NPAS1: variants seen among roughly 807,000 people sequenced by gnomAD.
NPAS1 encodes the protein neuronal PAS domain-containing protein 1.
A neutral mutation model predicts 49.2 loss-of-function variants in NPAS1; 29 were observed. The observed-to-expected ratio is 0.59, with a 90% CI of 0.44 to 0.80. NPAS1 has a LOEUF of 0.80. Among genes scored for constraint, NPAS1 ranks in the 30% least tolerant of loss-of-function variants. NPAS1 has a pLI of 0.00. For missense variants in NPAS1, 825 were observed against 835.5 expected (o/e 0.99, Z 0.15); for synonymous variants, 408 against 380.4 (o/e 1.07, Z -0.84).
At chr19:47,023,355 G>A (rs926168320) in intron 3 of NPAS1, among the ~76,000 whole-genome samples, 1 of 152,194 alleles carries the variant, frequency 6.6e-6, no homozygotes, top group East Asian at 1.9e-4. Context: ...GGCATCAGGG[G>A]CTGGCTGAGG....
Position 47,039,577 on chromosome 19 carries a change from G to A in NPAS1, c.962+13G>A. On this transcript the variant is annotated intron_variant, in intron 8 of 11. Coordinates refer to ENST00000602212, the MANE Select transcript of NPAS1 (RefSeq NM_002517.4). ...CTTGTGAGAGCAGGTACCGGGGTTG[G>A]GGGCTGTGGCGGGTGGATTGGGGGC... The A allele has an allele frequency of 6.5e-7, 1 of 1,546,292 alleles. No individual in the cohort carries two copies. Among genetic ancestry groups the A allele is most frequent in the Non-Finnish European group, 8.7e-7 (1 of 1,143,610 alleles).
At position 47,021,714 on chromosome 19, in the gene NPAS1, C is replaced by T. The variant is rs754194086; in HGVS notation, c.225C>T (p.Pro75=). 4.5e-6 allele frequency: 7 copies of T among 1,554,276 alleles called. No homozygotes were observed. Among genetic ancestry groups the T allele is most frequent in the East Asian group, 4.9e-5 (2 of 41,046 alleles). ...AGCTGGCCAAGCTTCTCCCGCTGCC[C>T]GGCGCCATCTCCAGCCAGCTGGACA... The part of the protein sequence containing the change: ...FFELAKLLPL[P]GAISSQLDKA... The change falls in exon 3 of 12, where the codon CCC becomes CCT. Residue 75 remains proline (P), a synonymous_variant. Transcript: ENST00000602212. This position sits in a 1 kb window ranked among gnomAD's most constrained non-coding sequence, Gnocchi z 5.7.
At chr19:47,043,717 G>A (rs997570815) in intron 11 of NPAS1, among the ~76,000 whole-genome samples, 2 of 151,814 alleles carry the variant, frequency 1.3e-5, no homozygotes, top group Non-Finnish European at 2.9e-5. Flanking sequence ...AGATCTCACC[G>A]CTGCACTCCA....
chr19:47,027,488 G>T (rs188077188), intron 3 of NPAS1, among the ~76,000 whole-genome samples: 569 of 48,128 alleles, frequency 0.012, 7 homozygotes, highest in East Asian at 0.017. Context: ...CTGGTCTCCC[G>T]TCTCTCTGCC....
intron 7 of NPAS1, 24 bp from the exon 8 acceptor site, chr19:47,039,383 T>A: frequency 6.2e-7 from 1 of 1,610,946 alleles, no homozygotes; most frequent in Non-Finnish European, 8.5e-7. Flanking sequence ...TTGTCCCTCC[T>A]CCAACCATGC....
intron 3 of NPAS1, among the ~76,000 whole-genome samples, chr19:47,026,483 T>C (rs1477340): frequency 0.28 from 42,407 of 152,058 alleles, 7,090 homozygotes; most frequent in South Asian, 0.51. Flanking sequence ...GACGTGGTGG[T>C]CCAGCCAGGG....
intron 6 of NPAS1, among the ~76,000 whole-genome samples, chr19:47,037,837 C>T (rs2056974029): frequency 6.6e-6 from 1 of 152,114 alleles, no homozygotes; most frequent in Non-Finnish European, 1.5e-5. Context: ...ATTTTTAAGA[C>T]CGTTTTGTAG....
rs1262262878 is a variant in NPAS1, at chr19:47,035,974, C to T, written c.533C>T (p.Thr178Met). The T allele has an allele frequency of 1.1e-5, 17 of 1,521,640 alleles. No homozygotes were observed. The highest frequency in any genetic ancestry group is 2.8e-5 in the African/African-American group (2 of 71,648). The allele number at this position is 1,521,640 out of a possible 1,614,324, so 94.3% of individuals were successfully genotyped here. The change falls in exon 6 of 12, where the codon ACG becomes ATG. Residue 178 changes from threonine to methionine, a missense_variant. Transcript: ENST00000602212. ...CTCCTTCGCCGGCAGGTGGAGATGA[C>T]GGGCAGCAGCGTCTTCGACTACATT... The part of the protein sequence containing the change: ...IYLGLSQVEM[T>M]GSSVFDYIHP...
intron 8 of NPAS1, among the ~76,000 whole-genome samples, chr19:47,040,036 GTTTGT>G (rs924470802): frequency 6.6e-6 from 1 of 152,020 alleles, no homozygotes; most frequent in African/African-American, 2.4e-5. Context: ...TTGTTTGTTT[GTTTGT>G]TTTGAGATGG....
chr19:47,032,793 C>A, intron 5 of NPAS1, 61 bp downstream of exon 5: 1 of 1,176,812 alleles, frequency 8.5e-7, no homozygotes, highest in Non-Finnish European at 1.3e-6. Context: ...CAGGCCTATG[C>A]ATATCCTTCC....
chr19:47,039,203 T>G (rs2056992214), intron 7 of NPAS1, 52 bp downstream of exon 7: 6 of 1,537,480 alleles, frequency 3.9e-6, no homozygotes, highest in Non-Finnish European at 5.3e-6. Flanking sequence ...GTCCCCAGAT[T>G]GAGGGTGACC....
chr19:47,041,427 C>T (rs1221166578), intron 10 of NPAS1, among the ~76,000 whole-genome samples: 6 of 151,646 alleles, frequency 4.0e-5, no homozygotes, highest in East Asian at 1.9e-4. Context: ...GGGGCACTGG[C>T]GAGCCACGGC....
In NPAS1 at chr19:47,045,555, G is replaced by A; in HGVS notation, c.1677G>A (p.Leu559=). ...TGGTGTACCCGCACCTGCAGAGGCT[G>A]GGTCCGGGCCCCGCGCTCCCGGAGG... ...LGLVYPHLQR[L]GPGPALPEAF... The change falls in exon 12 of 12, where the codon CTG becomes CTA. Residue 559 remains leucine (L), a synonymous_variant. Coordinates refer to ENST00000602212, the MANE Select transcript of NPAS1 (RefSeq NM_002517.4). 2.0e-6 allele frequency: 3 copies of A among 1,517,774 alleles called. No homozygotes were observed. The highest frequency in any genetic ancestry group is 2.6e-6 in the Non-Finnish European group (3 of 1,140,772). 94.0% of individuals were successfully genotyped at this position (1,517,774 alleles called of 1,614,324 possible).
intron 11 of NPAS1, 53 bp downstream of exon 11, chr19:47,042,957 T>C: frequency 7.3e-7 from 1 of 1,361,070 alleles, no homozygotes; most frequent in Non-Finnish European, 9.8e-7. Context: ...AACCTTTGGG[T>C]CCTGGCTGTC....
chr19:47,038,923 G>C (rs1161186095), intron 6 of NPAS1, 113 bp from the exon 7 acceptor site: 2 of 851,998 alleles, frequency 2.3e-6, no homozygotes, highest in African/African-American at 3.3e-5. Context: ...TCTGAGTGCG[G>C]CCGTGGCCCA....
Position 47,040,761 on chromosome 19 carries a change from T to TG in NPAS1, c.1070-213dup, listed in dbSNP as rs1328390816. On this transcript the variant is annotated intron_variant, in intron 9 of 11. Transcript: ENST00000602212. Reference sequence around the variant, plus strand: ...TGTGGGGGGGGGGTCTGGGGGGCTGTGGGGTCTCCAAAACACCCAAGAGGC... The same window carrying TG: ...TGTGGGGGGGGGGTCTGGGGGGCTGTGGGGGTCTCCAAAACACCCAAGAGGC... The TG allele has an allele frequency of 6.7e-6, 4 of 598,320 alleles. No individual in the cohort carries two copies. In the African/African-American group the frequency reaches 7.5e-5, roughly 11 times the overall value. 37.1% of individuals were successfully genotyped at this position (598,320 alleles called of 1,614,324 possible).
chr19:47,042,769 C>T (rs2057034949), intron 10 of NPAS1, 41 bp from the exon 11 acceptor site: 1 of 1,534,890 alleles, frequency 6.5e-7, no homozygotes, highest in South Asian at 1.2e-5. Flanking sequence ...CCTGAGAGGC[C>T]AAGGACCCCT....
chr19:47,021,744 T>A lies in NPAS1; in HGVS notation c.255T>A (p.Ala85=). 6.5e-7 allele frequency: 1 copy of A among 1,545,682 alleles called. No homozygotes were observed. The highest frequency in any genetic ancestry group is 8.7e-7 in the Non-Finnish European group (1 of 1,145,814). Residue 85 remains alanine (A), a synonymous_variant, in exon 3 of 12, where the codon GCT becomes GCA. Transcript: ENST00000602212. The surrounding 1 kb of genome is among the most constrained non-coding windows in gnomAD (Gnocchi z 5.7). The part of the protein sequence containing the change: ...PGAISSQLDK[A]SIVRLSVTYL... Reference sequence around the variant, plus strand: ...CCATCTCCAGCCAGCTGGACAAGGCTTCCATCGTGCGCCTCAGCGTCACCT... The same window carrying A: ...CCATCTCCAGCCAGCTGGACAAGGCATCCATCGTGCGCCTCAGCGTCACCT...
At chr19:47,030,636 CTTTTTTTTTTTTTTTTTT>C (rs55931402) in intron 3 of NPAS1, among the ~76,000 whole-genome samples, 5 of 96,786 alleles carry the variant, frequency 5.2e-5, no homozygotes, top group Admixed American at 1.2e-4. Context: ...GGCCCTTTGC[CTTTTTTTTTTTTTTTTTT>C]TTTTTTTTTT....
Sources: gnomAD v4.1 joint callset for allele counts (sites outside exome capture counted in the v4.1 genomes callset) on GRCh38, gnomAD v4.1.1 for gene constraint, Gnocchi (gnomAD v3.1) non-coding constraint, MANE v1.5 for transcripts, NCBI Gene and HGNC (gene_info 2026-07-23, HGNC 2026-07-21) for gene names.